SORCS2: variants seen among roughly 807,000 people sequenced by gnomAD.
SORCS2 encodes the protein VPS10 domain-containing receptor SorCS2.
Under a neutral mutation model 141.6 loss-of-function variants are expected in SORCS2, and 100 were observed. The ratio of observed to expected loss-of-function variants is 0.71; its 90% CI spans 0.60 to 0.83. The LOEUF is 0.83. Ranked by LOEUF, SORCS2 falls within the 40% of genes least tolerant of loss-of-function variation. The probability of loss-of-function intolerance (pLI) is 0.00; values close to 1 mark genes in which losing one functional copy is unlikely to be tolerated. For synonymous variants in SORCS2, 789 were observed against 676.9 expected (o/e 1.17, Z -2.57); for missense variants, 1,646 against 1,560.2 (o/e 1.05, Z -0.93).
At chr4:7,409,435 T>C (rs1725167920) in intron 2 of SORCS2, among the ~76,000 whole-genome samples, 1 of 152,226 alleles carries the variant, frequency 6.6e-6, no homozygotes, top group Admixed American at 6.5e-5. Context: ...CACTCTGATT[T>C]GGAGTCCCCT....
chr4:7,301,974 T>C (rs1218261748), intron 1 of SORCS2, among the ~76,000 whole-genome samples: 3 of 152,194 alleles, frequency 2.0e-5, no homozygotes, highest in Admixed American at 2.0e-4. Context: ...AAAATCACTG[T>C]CCCCTACAGT....
intron 1 of SORCS2, among the ~76,000 whole-genome samples, chr4:7,378,760 C>T (rs973158244): frequency 2.6e-5 from 4 of 152,172 alleles, no homozygotes; most frequent in African/African-American, 9.7e-5. Flanking sequence ...CATTGCTCCC[C>T]ATCTCCACCC....
At chr4:7,475,612 A>G (rs898957353) in intron 2 of SORCS2, among the ~76,000 whole-genome samples, 8 of 152,246 alleles carry the variant, frequency 5.3e-5, no homozygotes, top group African/African-American at 1.9e-4. Flanking sequence ...GGCTGCAGAC[A>G]TGAAGAATAC....
chr4:7,676,450 C>T (rs975406606), intron 9 of SORCS2, among the ~76,000 whole-genome samples: 5 of 152,138 alleles, frequency 3.3e-5, no homozygotes, highest in Non-Finnish European at 5.9e-5. Context: ...TGAGGAAATT[C>T]GAAATACAAT....
At chr4:7,263,949 C>T (rs934084304) in intron 1 of SORCS2, among the ~76,000 whole-genome samples, 7 of 151,846 alleles carry the variant, frequency 4.6e-5, no homozygotes, top group Non-Finnish European at 7.3e-5. Flanking sequence ...TTCACTCACT[C>T]ACTCATTCAC....
At chr4:7,492,586 T>C (rs1731381836) in intron 2 of SORCS2, among the ~76,000 whole-genome samples, 1 of 152,242 alleles carries the variant, frequency 6.6e-6, no homozygotes, top group Non-Finnish European at 1.5e-5. Flanking sequence ...TGCTGCATTT[T>C]ATAATAGTTC....
At chr4:7,383,432 G>C (rs1723111502) in intron 1 of SORCS2, among the ~76,000 whole-genome samples, 1 of 152,198 alleles carries the variant, frequency 6.6e-6, no homozygotes, top group Non-Finnish European at 1.5e-5. Flanking sequence ...TGGCACCTCT[G>C]TTCAGACATG....
intron 3 of SORCS2, among the ~76,000 whole-genome samples, chr4:7,551,386 A>T (rs919217970): frequency 3.9e-5 from 6 of 152,192 alleles, no homozygotes; most frequent in Admixed American, 1.3e-4. Context: ...CCAGCTAGGG[A>T]TCCTACCATT....
chr4:7,630,740 G>C (rs1049381112), intron 3 of SORCS2, among the ~76,000 whole-genome samples: 2 of 152,314 alleles, frequency 1.3e-5, no homozygotes, highest in East Asian at 3.9e-4. Context: ...TTTCAGATCC[G>C]GGGGTGGAGG....
rs1191436832 is a variant in SORCS2 at position 7,233,309 on chromosome 4, G to T, written c.480+40183G>T. Among the ~76,000 whole-genome samples, 1 of 152,152 alleles carries T rather than the reference G, an allele frequency of 6.6e-6. No individual in the cohort carries two copies. Among genetic ancestry groups the T allele is most frequent in the East Asian group, 1.9e-4 (1 of 5,194 alleles). On this transcript the variant is annotated intron_variant, in intron 1 of 26. Coordinates refer to ENST00000507866, the MANE Select transcript of SORCS2 (RefSeq NM_020777.3). The surrounding 1 kb of genome is among the most constrained non-coding windows in gnomAD (Gnocchi z 4.5). ...ACTATGCCTGCAGAAGCCACGGTGG[G>T]GACAGGAGCACATCCAGGGTGTCAT... is the stretch of plus-strand genomic sequence containing the variant.
chr4:7,544,067 T>TCCAG lies in SORCS2; in HGVS notation c.648+12441_648+12442insGCCA, dbSNP rs1450195908. ...ATCCATCCAGCCACCCACCCATCCATCCACCCATCCATCCATCCATCCACC... is the reference window on the plus strand; with the variant it reads ...ATCCATCCAGCCACCCACCCATCCATCCAGCCACCCATCCATCCATCCATCCACC... On this transcript the variant is annotated intron_variant, in intron 3 of 26. Transcript: ENST00000507866. 8.7e-4 allele frequency among the ~76,000 whole-genome samples: 97 copies of TCCAG among 111,786 alleles called. 1 individual carries two copies. Among genetic ancestry groups the TCCAG allele is most frequent in the Admixed American group, 1.9e-3 (23 of 12,080 alleles). 73.3% of individuals were successfully genotyped at this position (111,786 alleles called of 152,430 possible). A position where few individuals can be genotyped will look rare whatever the true frequency, so the allele number is the denominator to read the frequency against.
At chr4:7,315,244 G>A (rs2108930959) in intron 1 of SORCS2, among the ~76,000 whole-genome samples, 1 of 152,322 alleles carries the variant, frequency 6.6e-6, no homozygotes, top group Non-Finnish European at 1.5e-5. Context: ...GGGTGATGAT[G>A]GCCAGGTGGG....
At chr4:7,351,803 C>T (rs1720959654) in intron 1 of SORCS2, among the ~76,000 whole-genome samples, 1 of 151,888 alleles carries the variant, frequency 6.6e-6, no homozygotes, top group Non-Finnish European at 1.5e-5. Flanking sequence ...ATCTATCCAT[C>T]ACCCATCCAT....
intron 2 of SORCS2, among the ~76,000 whole-genome samples, chr4:7,525,209 G>T (rs1733595855): frequency 6.6e-6 from 1 of 152,152 alleles, no homozygotes; most frequent in Non-Finnish European, 1.5e-5. Context: ...CACAGTCCGG[G>T]CAAGAGGCTT....
chr4:7,602,164 G>C (rs896314917), intron 3 of SORCS2, among the ~76,000 whole-genome samples: 1 of 152,226 alleles, frequency 6.6e-6, no homozygotes, highest in African/African-American at 2.4e-5. Flanking sequence ...ATCATGGCCC[G>C]TTCTCAATGG....
chr4:7,408,315 T>C (rs1725102317), intron 2 of SORCS2, among the ~76,000 whole-genome samples: 2 of 152,166 alleles, frequency 1.3e-5, no homozygotes, highest in African/African-American at 4.8e-5. Context: ...CTTTTGTTTG[T>C]CTAGAAAAGA....
At chr4:7,713,730 G>T (rs373652600) in intron 15 of SORCS2, among the ~76,000 whole-genome samples, 105 of 152,310 alleles carry the variant, frequency 6.9e-4, no homozygotes, top group African/African-American at 2.3e-3. Context: ...GCTTAAGCTG[G>T]ATTTCACAAG....
At chr4:7,662,077 C>G (rs1468567593) in intron 6 of SORCS2, among the ~76,000 whole-genome samples, 1 of 152,182 alleles carries the variant, frequency 6.6e-6, no homozygotes, top group African/African-American at 2.4e-5. Flanking sequence ...CGCTGGCCAA[C>G]CTCGGGGCCC....
intron 1 of SORCS2, among the ~76,000 whole-genome samples, chr4:7,244,727 C>T (rs1712961836): frequency 6.6e-6 from 1 of 152,238 alleles, no homozygotes; most frequent in Non-Finnish European, 1.5e-5. Context: ...CTCCCACCTA[C>T]CTCCCCCAAC....
Sources: gnomAD v4.1 joint callset for allele counts (sites outside exome capture counted in the v4.1 genomes callset) on GRCh38, gnomAD v4.1.1 for gene constraint, Gnocchi (gnomAD v3.1) non-coding constraint, MANE v1.5 for transcripts, NCBI Gene and HGNC (gene_info 2026-07-23, HGNC 2026-07-21) for gene names.